The following LHCGR variants were observed in gnomAD, a reference collection of about 807,000 sequenced individuals.
LHCGR encodes lutropin-choriogonadotropic hormone receptor.
LHCGR carries 55 observed loss-of-function variants against 60.7 expected under a neutral mutation model. The ratio of observed to expected loss-of-function variants is 0.91; its 90% CI spans 0.73 to 1.13. The LOEUF is 1.13. Ranked by LOEUF, LHCGR falls within the 50% of genes most tolerant of loss-of-function variation. The pLI is 0.00. For synonymous variants in LHCGR, 337 were observed against 316.5 expected (o/e 1.06, Z -0.69); for missense variants, 862 against 836.0 (o/e 1.03, Z -0.38).
chr2:48,727,020 G>A (rs1051455321), intron 3 of LHCGR, among the ~76,000 whole-genome samples: 1 of 152,086 alleles, frequency 6.6e-6, no homozygotes, highest in Non-Finnish European at 1.5e-5. Context: ...CAGCCCTTTT[G>A]ATTCTTCAGA....
At position 48,698,575 on chromosome 2, in the gene LHCGR, C is replaced by A. The variant is rs377300329; in HGVS notation, c.866+40G>T. 19 of 1,549,370 alleles carry A rather than the reference C, an allele frequency of 1.2e-5. 1 individual carries two copies. In the African/African-American group the frequency reaches 2.6e-4, roughly 21 times the overall value. On this transcript the variant is annotated intron_variant, in intron 9 of 10. Coordinates refer to ENST00000294954, the MANE Select transcript of LHCGR (RefSeq NM_000233.4). ...GACTATTTTGAAATCTGAATTTCTG[C>A]CACAGCTTGGGTAGGCTTTACCTTT...
At chr2:48,730,919 C>G (rs762074101) in intron 2 of LHCGR, among the ~76,000 whole-genome samples, 3 of 152,142 alleles carry the variant, frequency 2.0e-5, no homozygotes, top group Admixed American at 1.3e-4. Context: ...AATAGCTGCT[C>G]TAGCAGAAGG....
intron 10 of LHCGR, among the ~76,000 whole-genome samples, chr2:48,693,800 C>T (rs973172886): frequency 3.3e-5 from 5 of 152,158 alleles, no homozygotes; most frequent in Non-Finnish European, 4.4e-5. Context: ...GCATAGTTGT[C>T]GAGGTAGCCT....
intron 10 of LHCGR, among the ~76,000 whole-genome samples, chr2:48,693,041 A>G (rs1416787154): frequency 6.6e-6 from 1 of 151,842 alleles, no homozygotes; most frequent in Non-Finnish European, 1.5e-5. Flanking sequence ...CCCTCAAACC[A>G]CTCCTTGGTG....
At chr2:48,736,281 A>G (rs1669203686) in intron 1 of LHCGR, among the ~76,000 whole-genome samples, 2 of 152,118 alleles carry the variant, frequency 1.3e-5, no homozygotes, top group Non-Finnish European at 2.9e-5. Context: ...TGTATAGAAT[A>G]AAGGCCCAGC....
chr2:48,721,437 G>A lies in LHCGR; in HGVS notation c.536+2019C>T, dbSNP rs542705358. ...ACAGAATCTCTTTCCTGGTGTTTGAGAGTTGCAAGTAAAGAGTATGGGTTA... is the reference window on the plus strand; with the variant it reads ...ACAGAATCTCTTTCCTGGTGTTTGAAAGTTGCAAGTAAAGAGTATGGGTTA... On this transcript the variant is annotated intron_variant, in intron 6 of 10. Coordinates refer to ENST00000294954, the MANE Select transcript of LHCGR (RefSeq NM_000233.4). 95 of 254,782 alleles carry A rather than the reference G, an allele frequency of 3.7e-4. 1 individual carries two copies. The highest frequency in any genetic ancestry group is 1.1e-3 in the South Asian group (23 of 21,282). The allele number at this position is 254,782 out of a possible 1,614,324, so 15.8% of individuals were successfully genotyped here.
At chr2:48,749,934 C>A (rs543793866) in intron 1 of LHCGR, among the ~76,000 whole-genome samples, 2 of 152,222 alleles carry the variant, frequency 1.3e-5, no homozygotes, top group South Asian at 4.1e-4. Flanking sequence ...AAATCTAGTC[C>A]TTCCTGAGCT....
chr2:48,692,742 G>A (rs945252198), intron 10 of LHCGR, among the ~76,000 whole-genome samples: 1 of 152,198 alleles, frequency 6.6e-6, no homozygotes, highest in Non-Finnish European at 1.5e-5. Context: ...GGGAGAATAC[G>A]TAAGCCTTAG....
chr2:48,689,118 T>C (rs916052065), intron 10 of LHCGR, among the ~76,000 whole-genome samples: 1 of 151,058 alleles, frequency 6.6e-6, no homozygotes, highest in East Asian at 1.9e-4. Context: ...CATATATACA[T>C]ATATACACAT....
chr2:48,739,362 C>T (rs1003199964), intron 1 of LHCGR, among the ~76,000 whole-genome samples: 7 of 152,162 alleles, frequency 4.6e-5, no homozygotes, highest in Non-Finnish European at 7.3e-5. Context: ...CACATGCACA[C>T]GTGTATTTAT....
At chr2:48,732,802 T>G (rs1046544581) in intron 1 of LHCGR, 4 of 526,720 alleles carry the variant, frequency 7.6e-6, no homozygotes, top group Non-Finnish European at 1.6e-5. Flanking sequence ...GAAATTTCAT[T>G]TCAGAAAAAT....
At chr2:48,719,105 G>A (rs1361083047) in intron 6 of LHCGR, among the ~76,000 whole-genome samples, 4 of 151,516 alleles carry the variant, frequency 2.6e-5, no homozygotes, top group East Asian at 3.9e-4. Context: ...GGCGGATCAC[G>A]AGGTCAGGAG....
rs1310178968 is a variant in LHCGR, at chr2:48,687,883, C to A, written c.1914G>T (p.Leu638=). The A allele has an allele frequency of 6.2e-7, 1 of 1,614,048 alleles. No homozygotes were observed. Among genetic ancestry groups the A allele is most frequent in the East Asian group, 2.2e-5 (1 of 44,878 alleles). Residue 638 remains leucine, a synonymous_variant, in exon 11 of 11, where the codon CTG becomes CTT. Coordinates refer to ENST00000294954, the MANE Select transcript of LHCGR (RefSeq NM_000233.4). The part of the protein sequence containing the change: ...KTFQRDFFLL[L]SKFGCCKRRA... ...GACGTTTACAGCAGCCAAATTTGCT[C>A]AGCAAAAGAAAGAAATCTCTTTGGA...
chr2:48,708,890 TA>T, intron 8 of LHCGR, 57 bp downstream of exon 8: 1 of 1,299,386 alleles, frequency 7.7e-7, no homozygotes, highest in Non-Finnish European at 1.1e-6. Context: ...AGGGACACCC[TA>T]AGCAGTCCTG....
At chr2:48,715,599 C>G (rs972695746) in intron 6 of LHCGR, among the ~76,000 whole-genome samples, 2 of 151,996 alleles carry the variant, frequency 1.3e-5, no homozygotes, top group Non-Finnish European at 2.9e-5. Context: ...TCTGCAAGGC[C>G]TCTCTAGTCT....
At chr2:48,715,220 T>C (rs1371056314) in intron 6 of LHCGR, among the ~76,000 whole-genome samples, 1 of 152,198 alleles carries the variant, frequency 6.6e-6, no homozygotes, top group Non-Finnish European at 1.5e-5. Flanking sequence ...TTTTTATTGT[T>C]TACCTCCTCC....
intron 9 of LHCGR, among the ~76,000 whole-genome samples, chr2:48,697,952 A>G (rs957506683): frequency 2.6e-5 from 4 of 152,216 alleles, no homozygotes; most frequent in Non-Finnish European, 4.4e-5. Flanking sequence ...GCAATACCAA[A>G]GTATTTGTTA....
chr2:48,735,393 GTGTT>G (rs1344762228), intron 1 of LHCGR, among the ~76,000 whole-genome samples: 1 of 152,222 alleles, frequency 6.6e-6, no homozygotes, highest in African/African-American at 2.4e-5. Flanking sequence ...TGCTATGCTG[GTGTT>G]TGTTTTTGTC....
rs182355089 is a variant in LHCGR, at chr2:48,740,854, G to A, written c.162-9556C>T. ...AAAGCTGACAGAGAATGACTTTGACGAGCTGAGAGAAGAAGGCTTCAGACA... is the reference window on the plus strand; with the variant it reads ...AAAGCTGACAGAGAATGACTTTGACAAGCTGAGAGAAGAAGGCTTCAGACA... On this transcript the variant is annotated intron_variant, in intron 1 of 10. Coordinates refer to ENST00000294954, the MANE Select transcript of LHCGR (RefSeq NM_000233.4). Among the ~76,000 whole-genome samples, 38 of 152,338 alleles carry A rather than the reference G, an allele frequency of 2.5e-4. 1 individual carries two copies. Among genetic ancestry groups the A allele is most frequent in the Non-Finnish European group, 2.5e-4 (17 of 68,036 alleles).
Sources: gnomAD v4.1 joint callset for allele counts (sites outside exome capture counted in the v4.1 genomes callset) on GRCh38, gnomAD v4.1.1 for gene constraint, MANE v1.5 for transcripts, NCBI Gene and HGNC (gene_info 2026-07-23, HGNC 2026-07-21) for gene names.